The following DNAH1 variants were observed in gnomAD, a reference collection of about 807,000 sequenced individuals.
The protein encoded by DNAH1 is dynein axonemal heavy chain 1.
A neutral mutation model predicts 484.3 loss-of-function variants in DNAH1; 327 were observed. That is an observed-to-expected ratio of 0.68 (90% CI 0.62 to 0.74). The LOEUF is 0.74. Among genes scored for constraint, DNAH1 ranks in the 30% least tolerant of loss-of-function variants. The pLI is 0.00. For synonymous variants in DNAH1, 2,192 were observed against 2,191.9 expected, an observed-to-expected ratio of 1.00 and a Z score of 0.00; for missense variants, 5,052 against 5,546.8, an observed-to-expected ratio of 0.91 and a Z score of 2.83.
Position 52,368,685 on chromosome 3 carries a change from G to A in DNAH1, c.5766-56G>A, listed in dbSNP as rs988542728. ...GGCCAGGCTTCCCTGGGAGCCAGCT[G>A]TGCTCGAAGCACCGCCTCCCTGATG... is the stretch of plus-strand genomic sequence containing the variant. On this transcript the variant is annotated intron_variant, in intron 36 of 77. Transcript: ENST00000420323. This position sits in a 1 kb window ranked among gnomAD's most constrained non-coding sequence, Gnocchi z 4.4. 4.5e-6 allele frequency: 7 copies of A among 1,571,958 alleles called. No individual in the cohort carries two copies. The African/African-American group carries it at 8.1e-5, about 18-fold the overall frequency.
In DNAH1 at chr3:52,383,856, C is replaced by G; in HGVS notation, c.8151-4C>G. 1 of 1,584,368 alleles carries G rather than the reference C, an allele frequency of 6.3e-7. No individual in the cohort carries two copies. The highest frequency in any genetic ancestry group is 8.6e-7 in the Non-Finnish European group (1 of 1,161,836). ...GGACCTCATTTGGATTCCTGACTTTCCAGCCCCATCGGAGAGGTCTTCCGA... is the reference window on the plus strand; with the variant it reads ...GGACCTCATTTGGATTCCTGACTTTGCAGCCCCATCGGAGAGGTCTTCCGA... On this transcript the variant is annotated splice_polypyrimidine_tract_variant and splice_region_variant and intron_variant, in intron 51 of 77. Coordinates refer to ENST00000420323, the MANE Select transcript of DNAH1 (RefSeq NM_015512.5).
At position 52,364,755 on chromosome 3, in the gene DNAH1, G is replaced by GGCTCCT; in HGVS notation, c.5331+32_5331+33insCTCCTG. On this transcript the variant is annotated intron_variant, in intron 33 of 77. Coordinates refer to ENST00000420323, the MANE Select transcript of DNAH1 (RefSeq NM_015512.5). This position sits in a 1 kb window ranked among gnomAD's most constrained non-coding sequence, Gnocchi z 4.2. The stretch of plus-strand genomic sequence containing the variant: ...CTCCACCCAGCAGGGCTCCAGGAGT[G>GGCTCCT]GAACTCTGGGAGGGCTCCTGGGCAG... 1 of 1,608,042 alleles carries GGCTCCT rather than the reference G, an allele frequency of 6.2e-7. No individual in the cohort carries two copies. The highest frequency in any genetic ancestry group is 8.5e-7 in the Non-Finnish European group (1 of 1,176,310).
Position 52,372,094 on chromosome 3 carries a change from C to G in DNAH1, c.6666+8C>G. The G allele has an allele frequency of 6.2e-7, 1 of 1,610,964 alleles. No homozygotes were observed. The highest frequency in any genetic ancestry group is 8.5e-7 in the Non-Finnish European group (1 of 1,178,626). ...CTCACCAACAAGAAGCCCGTGAGCA[C>G]CCCCCCAGGCCCTGCCTCCACTGTC... On this transcript the variant is annotated splice_region_variant and intron_variant, in intron 42 of 77. Transcript: ENST00000420323.
chr3:52,330,212 G>A (rs1701493227), intron 6 of DNAH1, among the ~76,000 whole-genome samples: 1 of 152,216 alleles, frequency 6.6e-6, no homozygotes, highest in African/African-American at 2.4e-5. Context: ...CAAGGTACTA[G>A]TTTCCATTCC....
At chr3:52,397,168 T>C (rs1454867994) in intron 73 of DNAH1, 124 bp downstream of exon 73, 7 of 938,734 alleles carry the variant, frequency 7.5e-6, no homozygotes, top group Non-Finnish European at 1.1e-5. Context: ...TGTCTTTTCA[T>C]CAGTCAATCC....
rs1051194618 is a variant in DNAH1 at position 52,382,257 on chromosome 3, C to T, written c.7806-63C>T. ...GTGGTCAGGGTAGGGTGTGGTCACC[C>T]ACCACCCTTCAGCGTCTGGCCCCAA... On this transcript the variant is annotated intron_variant, in intron 49 of 77. Transcript: ENST00000420323. 1.8e-5 allele frequency: 29 copies of T among 1,612,640 alleles called. No homozygotes were observed. The Admixed American group carries it at 2.8e-4, about 16-fold the overall frequency.
intron 36 of DNAH1, 64 bp downstream of exon 36, chr3:52,366,951 C>T (rs1578151491): frequency 9.1e-6 from 14 of 1,540,840 alleles, no homozygotes; most frequent in Middle Eastern, 1.8e-4. Context: ...CTGTGGGCTG[C>T]GGTCACCCCT....
At chr3:52,349,853 T>C in intron 14 of DNAH1, 136 bp from the exon 15 acceptor site, 1 of 1,325,886 alleles carries the variant, frequency 7.5e-7, no homozygotes, top group Non-Finnish European at 1.0e-6. Context: ...GCACCCCTCT[T>C]GGAAAGCGCC....
rs368352499 is a variant in DNAH1 at position 52,386,188 on chromosome 3, G to A, written c.8654G>A (p.Arg2885Gln). The A allele has an allele frequency of 7.0e-5, 113 of 1,613,508 alleles. No individual in the cohort carries two copies. The highest frequency in any genetic ancestry group is 1.6e-4 in the Middle Eastern group (1 of 6,082). ...KVDTAIAEET[R>Q]NSVQTEEIKA... ...GATACGGCCATCGCCGAGGAGACCC[G>A]GAATTCAGTGCAGACAGAGGAGATC... The change falls in exon 55 of 78, where the codon CGG becomes CAG. Residue 2885 changes from arginine to glutamine, a missense_variant. Physicochemically the swap from Arg to Gln is conservative, Grantham distance 43. Transcript: ENST00000420323.
At position 52,353,217 on chromosome 3, in the gene DNAH1, A is replaced by C; in HGVS notation, c.3142A>C (p.Ile1048Leu). 1 of 1,614,004 alleles carries C rather than the reference A, an allele frequency of 6.2e-7. No homozygotes were observed. The highest frequency in any genetic ancestry group is 8.5e-7 in the Non-Finnish European group (1 of 1,179,892). Residue 1048 changes from isoleucine to leucine, a missense_variant, in exon 19 of 78, where the codon ATC (isoleucine) becomes CTC (leucine). Transcript: ENST00000420323. This position sits in a 1 kb window ranked among gnomAD's most constrained non-coding sequence, Gnocchi z 5.0. ...CTGGATGAATGACCCCCTCTCTGCC[A>C]TCGATGCTGAGCAGCTGGAGAAGAA... is the stretch of plus-strand genomic sequence containing the variant. ...ESWMNDPLSA[I>L]DAEQLEKNVV... is the part of the protein sequence containing the mutation.
In DNAH1 at chr3:52,390,940, T is replaced by C; in HGVS notation, c.9627T>C (p.Ala3209=). Residue 3209 remains alanine (A), a synonymous_variant, in exon 61 of 78, where the codon GCT becomes GCC. Coordinates refer to ENST00000420323, the MANE Select transcript of DNAH1 (RefSeq NM_015512.5). ...NPVKIRSWQI[A]GLPNDTLSVE... ...CAGTGCCTGGCTCTCCACAGATCGC[T>C]GGCCTCCCCAACGACACACTGTCAG... 1 of 1,551,854 alleles carries C rather than the reference T, an allele frequency of 6.4e-7. No individual in the cohort carries two copies. Among genetic ancestry groups the C allele is most frequent in the Non-Finnish European group, 8.7e-7 (1 of 1,146,986 alleles).
At position 52,348,918 on chromosome 3, in the gene DNAH1, G is replaced by T. The variant is rs746677830; in HGVS notation, c.2137G>T (p.Asp713Tyr). 4 of 1,613,288 alleles carry T rather than the reference G, an allele frequency of 2.5e-6. No homozygotes were observed. The highest frequency in any genetic ancestry group is 1.7e-5 in the Admixed American group (1 of 60,020). The change falls in exon 13 of 78, where the codon GAC (aspartate) becomes TAC (tyrosine). Residue 713 changes from aspartate to tyrosine, a missense_variant. This residue lies in a region of DNAH1 where 1,263 missense variants were observed against 1,218.8 expected (regional missense o/e 1.04). Transcript: ENST00000420323. ...LVMEDIFISGDPLLESVGLHE... is the reference protein window; with the variant it reads ...LVMEDIFISGYPLLESVGLHE... ...GATGGAGGACATCTTCATCAGCGGT[G>T]ACCCCCTGCTGGAGTCCGTGGGCCT...
Position 52,391,317 on chromosome 3 carries a change from C to T in DNAH1, c.9880C>T (p.Leu3294=). The T allele has an allele frequency of 1.2e-6, 2 of 1,610,076 alleles. No individual in the cohort carries two copies. Among genetic ancestry groups the T allele is most frequent in the Middle Eastern group, 3.3e-4 (2 of 6,062 alleles). ...EELDPALEPV[L]LKQTYKQQGN... ...GCTAGACCCAGCCCTGGAGCCAGTG[C>T]TGCTCAAGCAGGTGGGTCTGCAGTG... is the stretch of plus-strand genomic sequence containing the variant. The change falls in exon 62 of 78, where the codon CTG becomes TTG. Residue 3294 remains leucine, a synonymous_variant. Transcript: ENST00000420323.
Position 52,353,041 on chromosome 3 carries a change from A to G in DNAH1, c.3028-62A>G. 2 of 1,508,750 alleles carry G rather than the reference A, an allele frequency of 1.3e-6. No homozygotes were observed. Among genetic ancestry groups the G allele is most frequent in the South Asian group, 2.5e-5 (2 of 78,780 alleles). The allele number at this position is 1,508,750 out of a possible 1,614,324, so 93.5% of individuals were successfully genotyped here. A position where few individuals can be genotyped will look rare whatever the true frequency, so the allele number is the denominator to read the frequency against. ...AGAGGACCTGGCCCAAGAAGGGGCA[A>G]CATGGAGAGAGACTGGGAAGTGTCC... On this transcript the variant is annotated intron_variant, in intron 18 of 77. Coordinates refer to ENST00000420323, the MANE Select transcript of DNAH1 (RefSeq NM_015512.5). This position sits in a 1 kb window ranked among gnomAD's most constrained non-coding sequence, Gnocchi z 5.0.
intron 3 of DNAH1, among the ~76,000 whole-genome samples, chr3:52,325,760 A>G (rs904194752): frequency 6.6e-6 from 1 of 152,170 alleles, no homozygotes; most frequent in Non-Finnish European, 1.5e-5. Flanking sequence ...GGGCCTCTGC[A>G]GTAGGGGTGG....
rs1702500990 is a variant in DNAH1 at position 52,353,881 on chromosome 3, G to C, written c.3480+248G>C. 1.9e-6 allele frequency: 1 copy of C among 532,122 alleles called. No individual in the cohort carries two copies. The highest frequency in any genetic ancestry group is 3.5e-5 in the East Asian group (1 of 28,240). The allele number at this position is 532,122 out of a possible 1,614,324, so 33.0% of individuals were successfully genotyped here. A position where few individuals can be genotyped will look rare whatever the true frequency, so the allele number is the denominator to read the frequency against. On this transcript the variant is annotated intron_variant, in intron 20 of 77. Coordinates refer to ENST00000420323, the MANE Select transcript of DNAH1 (RefSeq NM_015512.5). This position sits in a 1 kb window ranked among gnomAD's most constrained non-coding sequence, Gnocchi z 5.0. ...CAAGAGCCCCAGGAAGGAGCTAATA[G>C]CATTAGCCTCAATTTAACAGATGTG... is the stretch of plus-strand genomic sequence containing the variant.
rs755050261 is a variant in DNAH1 at position 52,353,720 on chromosome 3, G to A, written c.3480+87G>A. ...TGCTCTGGCAACCACAGCCACTTGG[G>A]AGGATGACAGTAATAAGCCCCATCC... On this transcript the variant is annotated intron_variant, in intron 20 of 77. Transcript: ENST00000420323. The surrounding 1 kb of genome is among the most constrained non-coding windows in gnomAD (Gnocchi z 5.0). 6.6e-7 allele frequency: 1 copy of A among 1,524,856 alleles called. No individual in the cohort carries two copies. The highest frequency in any genetic ancestry group is 1.2e-5 in the South Asian group (1 of 82,266). 94.5% of individuals were successfully genotyped at this position (1,524,856 alleles called of 1,614,324 possible). A position where few individuals can be genotyped will look rare whatever the true frequency, so the allele number is the denominator to read the frequency against.
intron 1 of DNAH1, among the ~76,000 whole-genome samples, chr3:52,319,208 CTG>C (rs1701056454): frequency 6.6e-6 from 1 of 152,216 alleles, no homozygotes; most frequent in South Asian, 2.1e-4. Flanking sequence ...CCCTATTCAT[CTG>C]TGTCTCTTCA....
chr3:52,325,606 T>C (rs1436883077), intron 3 of DNAH1, among the ~76,000 whole-genome samples: 8 of 152,210 alleles, frequency 5.3e-5, no homozygotes. Flanking sequence ...AGCCTCTGTA[T>C]ACCCTGCTCA....
Sources: allele counts gnomAD v4.1 joint callset (sites outside exome capture counted in the v4.1 genomes callset), GRCh38; gene constraint gnomAD v4.1.1; regional missense constraint gnomAD v4.1.1; non-coding constraint Gnocchi (gnomAD v3.1); transcripts MANE v1.5; gene names NCBI Gene and HGNC (gene_info 2026-07-23, HGNC 2026-07-21).